GALNTL6: variants seen among roughly 807,000 people sequenced by gnomAD.
GALNTL6 encodes polypeptide N-acetylgalactosaminyltransferase like 6, also known as polypeptide N-acetylgalactosaminyltransferase-like 6.
Under a neutral mutation model 73.7 loss-of-function variants are expected in GALNTL6, and 46 were observed. The observed-to-expected ratio is 0.62, with a 90% confidence interval of 0.49 to 0.80. The LOEUF is 0.80. GALNTL6 is among the 30% of genes least tolerant of loss of function. GALNTL6 has a pLI of 0.00. For missense variants in GALNTL6, 604 were observed against 755.0 expected (o/e 0.80, Z 2.34); for synonymous variants, 259 against 263.7 (o/e 0.98, Z 0.17).
chr4:172,977,429 G>A (rs1342129578), intron 10 of GALNTL6, among the ~76,000 whole-genome samples: 1 of 152,206 alleles, frequency 6.6e-6, no homozygotes, highest in African/African-American at 2.4e-5. Context: ...ATACTGAGTG[G>A]ATCATTGTGG....
At chr4:172,186,534 T>C (rs1262068388) in intron 2 of GALNTL6, among the ~76,000 whole-genome samples, 2 of 152,060 alleles carry the variant, frequency 1.3e-5, no homozygotes, top group African/African-American at 2.4e-5. Flanking sequence ...GATAAATGGA[T>C]AAACAAATTG....
At chr4:172,476,060 C>T (rs1579107015) in intron 5 of GALNTL6, among the ~76,000 whole-genome samples, 1 of 152,218 alleles carries the variant, frequency 6.6e-6, no homozygotes. Context: ...TTAGACTGCA[C>T]CTATCTGATA....
chr4:172,738,904 A>G (rs1736628894), intron 5 of GALNTL6, among the ~76,000 whole-genome samples: 1 of 152,150 alleles, frequency 6.6e-6, no homozygotes, highest in Admixed American at 6.6e-5. Flanking sequence ...AATTTGTTGA[A>G]AGAGTTATCA....
chr4:172,304,792 A>G (rs1489292539), intron 3 of GALNTL6, among the ~76,000 whole-genome samples: 1 of 152,066 alleles, frequency 6.6e-6, no homozygotes, highest in Non-Finnish European at 1.5e-5. Context: ...TGTCTGTACA[A>G]ATTCATTCAC....
At chr4:172,348,808 GT>G in intron 5 of GALNTL6, 119 bp downstream of exon 5, 1 of 584,520 alleles carries the variant, frequency 1.7e-6, no homozygotes, top group Non-Finnish European at 2.8e-6. Context: ...TGATTATGAA[GT>G]TTTATCTATG....
At chr4:172,439,004 C>A (rs1474715531) in intron 5 of GALNTL6, among the ~76,000 whole-genome samples, 2 of 152,010 alleles carry the variant, frequency 1.3e-5, no homozygotes, top group African/African-American at 4.8e-5. Context: ...CTCTTTACCT[C>A]TCGAGGACAC....
intron 10 of GALNTL6, among the ~76,000 whole-genome samples, chr4:172,973,746 G>T (rs1056537456): frequency 3.3e-5 from 5 of 152,098 alleles, no homozygotes; most frequent in African/African-American, 9.7e-5. Context: ...TAAGAAAATG[G>T]TTTTTTCTCT....
At chr4:172,046,618 TCAAC>T (rs2110850043) in intron 2 of GALNTL6, among the ~76,000 whole-genome samples, 1 of 152,298 alleles carries the variant, frequency 6.6e-6, no homozygotes, top group Non-Finnish European at 1.5e-5. Flanking sequence ...TTTCAAATGA[TCAAC>T]CATGTTGAGC....
chr4:172,734,903 G>A (rs576383245), intron 5 of GALNTL6, among the ~76,000 whole-genome samples: 19 of 152,326 alleles, frequency 1.2e-4, no homozygotes, highest in South Asian at 8.3e-4. Flanking sequence ...GGCAGCTTCC[G>A]CATGGTGTTT....
At chr4:172,498,401 A>T (rs338011) in intron 5 of GALNTL6, among the ~76,000 whole-genome samples, 150,861 of 152,266 alleles carry the variant, frequency 0.99, 74,757 homozygotes, top group Middle Eastern at 1. Flanking sequence ...ATTTAAAAAA[A>T]TTTTATACTA....
At chr4:172,755,418 A>G (rs867667810) in intron 5 of GALNTL6, among the ~76,000 whole-genome samples, 1 of 152,196 alleles carries the variant, frequency 6.6e-6, no homozygotes, top group African/African-American at 2.4e-5. Context: ...GAAGAAAAGT[A>G]AAAATGATGA....
chr4:172,921,409 C>T (rs778865926), intron 8 of GALNTL6, among the ~76,000 whole-genome samples: 2 of 152,092 alleles, frequency 1.3e-5, no homozygotes, highest in African/African-American at 4.8e-5. Context: ...TCTCTATGTC[C>T]AAATTTCAGG....
intron 3 of GALNTL6, among the ~76,000 whole-genome samples, chr4:172,237,240 A>G (rs1737274105): frequency 6.6e-6 from 1 of 152,144 alleles, no homozygotes; most frequent in South Asian, 2.1e-4. Flanking sequence ...CCAATAATGC[A>G]TTACTGGGTT....
chr4:173,030,043 G>A (rs1052919836), intron 12 of GALNTL6, among the ~76,000 whole-genome samples: 5 of 152,098 alleles, frequency 3.3e-5, no homozygotes, highest in East Asian at 1.9e-4. Context: ...CTAGACCACC[G>A]TTCTCCAGCT....
intron 7 of GALNTL6, among the ~76,000 whole-genome samples, chr4:172,823,773 TAGA>T (rs1742071437): frequency 1.3e-5 from 2 of 152,098 alleles, no homozygotes; most frequent in Admixed American, 6.5e-5. Context: ...TTAGAAAAAA[TAGA>T]AGGCATTCCT....
At chr4:172,690,312 A>C (rs1733191654) in intron 5 of GALNTL6, among the ~76,000 whole-genome samples, 1 of 152,188 alleles carries the variant, frequency 6.6e-6, no homozygotes, top group Non-Finnish European at 1.5e-5. Context: ...CCAGAAAAAA[A>C]ATTCTTATTC....
chr4:172,458,164 G>A (rs1487046232), intron 5 of GALNTL6, among the ~76,000 whole-genome samples: 1 of 151,898 alleles, frequency 6.6e-6, no homozygotes, highest in Non-Finnish European at 1.5e-5. Flanking sequence ...GGTTTTCTTT[G>A]AAACCAATGA....
At chr4:172,268,619 ACTC>A (rs1738532939) in intron 3 of GALNTL6, among the ~76,000 whole-genome samples, 1 of 151,960 alleles carries the variant, frequency 6.6e-6, no homozygotes. Flanking sequence ...ACAAATCTGA[ACTC>A]TTGTGTCCCA....
intron 5 of GALNTL6, among the ~76,000 whole-genome samples, chr4:172,794,635 T>G (rs1740169269): frequency 6.6e-6 from 1 of 152,182 alleles, no homozygotes; most frequent in Non-Finnish European, 1.5e-5. Context: ...TTTTCCAGGA[T>G]CTTTATCTTG....
Sources: allele counts gnomAD v4.1 joint callset (sites outside exome capture counted in the v4.1 genomes callset), GRCh38; gene constraint gnomAD v4.1.1; transcripts MANE v1.5; gene names NCBI Gene and HGNC (gene_info 2026-07-23, HGNC 2026-07-21).